SLC6A11: variants seen among roughly 807,000 people sequenced by gnomAD.
The protein encoded by SLC6A11 is solute carrier family 6 member 11.
Under a neutral mutation model 74.8 loss-of-function variants are expected in SLC6A11, and 25 were observed. The ratio of observed to expected loss-of-function variants is 0.33; its 90% CI spans 0.24 to 0.47. The LOEUF is 0.47. Ranked by LOEUF, SLC6A11 falls within the 20% of genes least tolerant of loss-of-function variation. The pLI is 1.00. For missense variants in SLC6A11, 574 were observed against 837.0 expected, an observed-to-expected ratio of 0.69 and a Z score of 3.88; for synonymous variants, 330 against 330.2, an observed-to-expected ratio of 1.00 and a Z score of 0.01.
At chr3:10,891,320 A>G (rs1429375063) in intron 6 of SLC6A11, among the ~76,000 whole-genome samples, 6 of 152,240 alleles carry the variant, frequency 3.9e-5, no homozygotes, top group African/African-American at 1.4e-4. Context: ...CTGTCATAAA[A>G]ATATTAACCC....
intron 8 of SLC6A11, among the ~76,000 whole-genome samples, chr3:10,922,426 A>G (rs1695548819): frequency 2.0e-5 from 3 of 152,212 alleles, no homozygotes; most frequent in Admixed American, 1.3e-4. Flanking sequence ...TGTGTGTGTA[A>G]AAGTTTTTAA....
At chr3:10,906,202 A>G (rs1437881284) in intron 6 of SLC6A11, among the ~76,000 whole-genome samples, 2 of 152,220 alleles carry the variant, frequency 1.3e-5, no homozygotes, top group Non-Finnish European at 2.9e-5. Flanking sequence ...TCAATCTTGT[A>G]TAACTTGCCC....
rs76030853 is a variant in SLC6A11 at position 10,898,536 on chromosome 3, C to G, written c.892-13554C>G. Among the ~76,000 whole-genome samples the G allele has an allele frequency of 9.7e-3, 1,472 of 152,310 alleles. 83 individuals carry two copies. In the East Asian group the frequency reaches 0.11, roughly 12 times the overall value. Reference sequence around the variant, plus strand: ...AATATCTAGGACAGTGGCAAAATGCCACCAGTCTCTTTGCTAAAACACAAC... The same window carrying G: ...AATATCTAGGACAGTGGCAAAATGCGACCAGTCTCTTTGCTAAAACACAAC... On this transcript the variant is annotated intron_variant, in intron 6 of 13. Transcript: ENST00000254488.
At chr3:10,855,806 G>A (rs1694632383) in intron 5 of SLC6A11, among the ~76,000 whole-genome samples, 1 of 152,198 alleles carries the variant, frequency 6.6e-6, no homozygotes, top group Admixed American at 6.5e-5. Flanking sequence ...GGAAGCAGGA[G>A]AAATAGGGGA....
intron 4 of SLC6A11, among the ~76,000 whole-genome samples, chr3:10,828,716 C>G (rs1241969642): frequency 6.6e-6 from 1 of 152,190 alleles, no homozygotes; most frequent in Non-Finnish European, 1.5e-5. Context: ...ATGTCAGTGT[C>G]ATATGGGGAG....
At chr3:10,920,120 C>T (rs1455697438) in intron 8 of SLC6A11, among the ~76,000 whole-genome samples, 1 of 152,186 alleles carries the variant, frequency 6.6e-6, no homozygotes, top group Non-Finnish European at 1.5e-5. Flanking sequence ...AACTCCCTCG[C>T]AGTGTTGCAT....
At chr3:10,834,432 C>T (rs1694340439) in intron 4 of SLC6A11, among the ~76,000 whole-genome samples, 1 of 151,310 alleles carries the variant, frequency 6.6e-6, no homozygotes, top group Non-Finnish European at 1.5e-5. Flanking sequence ...TGAGAAATGG[C>T]TTCACAGAAG....
intron 6 of SLC6A11, among the ~76,000 whole-genome samples, chr3:10,880,348 C>T (rs955334096): frequency 3.3e-5 from 5 of 152,186 alleles, no homozygotes; most frequent in South Asian, 2.1e-4. Flanking sequence ...AATTGCACCA[C>T]GAAGAAAAGT....
In SLC6A11 at chr3:10,938,782, C is replaced by G. The variant is rs969394784; in HGVS notation, c.*380C>G. Reference sequence around the variant, plus strand: ...CCTCCTCTGTCGGCCTTTTAATGACCGTTCTGTGTCCCATGTATGTCTCTG... The same window carrying G: ...CCTCCTCTGTCGGCCTTTTAATGACGGTTCTGTGTCCCATGTATGTCTCTG... On this transcript the variant is annotated 3_prime_UTR_variant, in exon 14 of 14. Transcript: ENST00000254488. 34 of 157,522 alleles carry G rather than the reference C, an allele frequency of 2.2e-4. No homozygotes were observed. Among genetic ancestry groups the G allele is most frequent in the Non-Finnish European group, 3.5e-4 (25 of 71,838 alleles). The allele number at this position is 157,522 out of a possible 1,614,324, so 9.8% of individuals were successfully genotyped here.
chr3:10,934,318 T>C, intron 12 of SLC6A11, 152 bp downstream of exon 12: 1 of 586,544 alleles, frequency 1.7e-6, no homozygotes, highest in Non-Finnish European at 3.1e-6. Flanking sequence ...GCTGCACCCA[T>C]GGGCACAGGC....
chr3:10,934,434 G>A (rs573487033), intron 12 of SLC6A11, among the ~76,000 whole-genome samples: 68 of 152,300 alleles, frequency 4.5e-4, no homozygotes, highest in African/African-American at 1.6e-3. Context: ...TACGCAAATC[G>A]GGCGCTGGAT....
At chr3:10,851,423 CACAG>C (rs903889721) in intron 5 of SLC6A11, among the ~76,000 whole-genome samples, 3 of 150,922 alleles carry the variant, frequency 2.0e-5, no homozygotes, top group Non-Finnish European at 2.9e-5. Context: ...AAACCACACA[CACAG>C]ACAGACAGAC....
At chr3:10,850,503 G>A (rs1694559624) in intron 5 of SLC6A11, among the ~76,000 whole-genome samples, 1 of 152,134 alleles carries the variant, frequency 6.6e-6, no homozygotes, top group Non-Finnish European at 1.5e-5. Context: ...AGTATAGTGA[G>A]AGGGAGCACA....
At chr3:10,818,084 TTA>T (rs1491229014) in intron 1 of SLC6A11, among the ~76,000 whole-genome samples, 2,228 of 145,854 alleles carry the variant, frequency 0.015, 46 homozygotes, top group East Asian at 0.12. Context: ...TTTTTTTTTT[TTA>T]AAAAAAAAGG....
intron 4 of SLC6A11, among the ~76,000 whole-genome samples, chr3:10,833,063 A>AT (rs201140331): frequency 0.013 from 1,894 of 151,480 alleles, 25 homozygotes; most frequent in Non-Finnish European, 0.015. Context: ...TTGCCAATTA[A>AT]TTTTTTTTTC....
chr3:10,835,025 C>G (rs3774129), intron 4 of SLC6A11, among the ~76,000 whole-genome samples: 8,789 of 152,304 alleles, frequency 0.058, 364 homozygotes, highest in South Asian at 0.14. Context: ...CGACTCCCCA[C>G]TCCAAACTCC....
At chr3:10,863,280 G>T (rs940563222) in intron 5 of SLC6A11, among the ~76,000 whole-genome samples, 1 of 152,180 alleles carries the variant, frequency 6.6e-6, no homozygotes, top group African/African-American at 2.4e-5. Context: ...GTCTCCTGAG[G>T]GCTAATGTGT....
At chr3:10,920,693 C>G (rs546273524) in intron 8 of SLC6A11, among the ~76,000 whole-genome samples, 2 of 152,340 alleles carry the variant, frequency 1.3e-5, no homozygotes, top group South Asian at 4.1e-4. Context: ...ACTATTCACA[C>G]AGCAGTCCTA....
chr3:10,929,097 G>A, intron 9 of SLC6A11, 105 bp from the exon 10 acceptor site: 4 of 1,186,336 alleles, frequency 3.4e-6, no homozygotes, highest in Non-Finnish European at 4.9e-6. Context: ...ATGGGTGTGG[G>A]AATGAAGGAA....
Sources: gnomAD v4.1 joint callset for allele counts (sites outside exome capture counted in the v4.1 genomes callset) on GRCh38, gnomAD v4.1.1 for gene constraint, MANE v1.5 for transcripts, NCBI Gene and HGNC (gene_info 2026-07-23, HGNC 2026-07-21) for gene names.